Variants in EBF3 observed in about 807,000 individuals in gnomAD.
EBF3 encodes transcription factor COE3.
In EBF3, 18 loss-of-function variants were observed where a neutral mutation model predicts 77.1. The ratio of observed to expected loss-of-function variants is 0.23; its 90% CI spans 0.16 to 0.35. The LOEUF (loss-of-function observed/expected upper bound fraction) is 0.35. Among genes scored for constraint, EBF3 ranks in the 10% least tolerant of loss-of-function variants. The pLI, the probability that EBF3 is intolerant of heterozygous loss-of-function variation, is 1.00. For synonymous variants in EBF3, 350 were observed against 343.5 expected, an observed-to-expected ratio of 1.02 and a Z score of -0.21; for missense variants, 558 against 860.0, an observed-to-expected ratio of 0.65 and a Z score of 4.39.
chr10:129,922,369 A>G (rs964910782), intron 6 of EBF3, among the ~76,000 whole-genome samples: 1 of 152,186 alleles, frequency 6.6e-6, no homozygotes, highest in Admixed American at 6.5e-5. Flanking sequence ...GCCAGGCCAC[A>G]CAGGCCCCAG....
At chr10:129,936,627 G>A (rs767768454) in intron 6 of EBF3, among the ~76,000 whole-genome samples, 12 of 151,792 alleles carry the variant, frequency 7.9e-5, no homozygotes, top group Non-Finnish European at 1.8e-4. Context: ...GGTTATGGCA[G>A]GGGACCCTCA....
chr10:129,854,366 G>A (rs1851098802), intron 10 of EBF3, among the ~76,000 whole-genome samples: 1 of 152,140 alleles, frequency 6.6e-6, no homozygotes, highest in Admixed American at 6.5e-5. Context: ...GGAGTTTCAG[G>A]CGGCTGATGG....
At chr10:129,886,459 G>A (rs1219830349) in intron 6 of EBF3, among the ~76,000 whole-genome samples, 2 of 152,190 alleles carry the variant, frequency 1.3e-5, no homozygotes, top group African/African-American at 4.8e-5. Flanking sequence ...ACTCGGAACA[G>A]CACCGAGCCC....
At chr10:129,929,768 C>T (rs759450204) in intron 6 of EBF3, among the ~76,000 whole-genome samples, 3 of 152,198 alleles carry the variant, frequency 2.0e-5, no homozygotes, top group Non-Finnish European at 2.9e-5. Flanking sequence ...CTGCACCCAA[C>T]TCTGAGAGTT....
chr10:129,875,895 G>A (rs35383856), intron 7 of EBF3, among the ~76,000 whole-genome samples: 19,915 of 152,246 alleles, frequency 0.13, 1,638 homozygotes, highest in African/African-American at 0.21. Context: ...GCCCAGCCCT[G>A]GGCATTGAAG....
Position 129,890,510 on chromosome 10 carries a change from C to T in EBF3, c.555-12661G>A, listed in dbSNP as rs1027496694. Among the ~76,000 whole-genome samples, 8 of 152,356 alleles carry T rather than the reference C, an allele frequency of 5.3e-5. 1 individual carries two copies. The East Asian group carries it at 1.5e-3, about 29-fold the overall frequency. On this transcript the variant is annotated intron_variant, in intron 6 of 16. Coordinates refer to ENST00000440978, the MANE Select transcript of EBF3 (RefSeq NM_001375380.1). ...GCCTCCGCCAGCCTAATACTGGGCACGGCTTTAAGGCACCGTCAACCAATT... is the reference window on the plus strand; with the variant it reads ...GCCTCCGCCAGCCTAATACTGGGCATGGCTTTAAGGCACCGTCAACCAATT...
chr10:129,878,053 T>C (rs1852919756), intron 6 of EBF3, among the ~76,000 whole-genome samples: 1 of 152,114 alleles, frequency 6.6e-6, no homozygotes, highest in Non-Finnish European at 1.5e-5. Context: ...AGCAGTGAGT[T>C]GCATTTGCCT....
intron 7 of EBF3, 128 bp downstream of exon 7, chr10:129,877,640 C>A: frequency 1.4e-6 from 1 of 698,478 alleles, no homozygotes; most frequent in Admixed American, 2.8e-5. Context: ...ATCAAATGCA[C>A]CAATTCCAGT....
intron 10 of EBF3, among the ~76,000 whole-genome samples, chr10:129,862,791 A>T (rs932756977): frequency 4.6e-5 from 7 of 152,182 alleles, no homozygotes; most frequent in African/African-American, 1.7e-4. Flanking sequence ...ATCAAATAAC[A>T]CTGTAATGCT....
intron 10 of EBF3, among the ~76,000 whole-genome samples, chr10:129,852,525 G>C (rs1850960734): frequency 6.6e-6 from 1 of 152,172 alleles, no homozygotes; most frequent in Non-Finnish European, 1.5e-5. Flanking sequence ...CGTGGTTGTA[G>C]TTTTCATTTT....
In EBF3 at chr10:129,841,093, G is replaced by A; in HGVS notation, c.1373-61C>T. ...ATTATCAGCGACAGACACTTGGGGG[G>A]GGTTCCCCGAGAATCTATATCATAT... On this transcript the variant is annotated intron_variant, in intron 13 of 16. Transcript: ENST00000440978. This position sits in a 1 kb window ranked among gnomAD's most constrained non-coding sequence, Gnocchi z 4.6. The A allele has an allele frequency of 1.9e-6, 3 of 1,584,636 alleles. No homozygotes were observed. Among genetic ancestry groups the A allele is most frequent in the South Asian group, 1.2e-5 (1 of 86,454 alleles).
intron 7 of EBF3, among the ~76,000 whole-genome samples, chr10:129,873,887 T>C (rs1852577298): frequency 6.6e-6 from 1 of 152,242 alleles, no homozygotes; most frequent in African/African-American, 2.4e-5. Flanking sequence ...AATATTCTTC[T>C]AGCCATTAGC....
intron 6 of EBF3, among the ~76,000 whole-genome samples, chr10:129,912,885 T>C (rs998479284): frequency 3.3e-5 from 5 of 152,228 alleles, no homozygotes; most frequent in African/African-American, 1.2e-4. Flanking sequence ...GTATGCAGCG[T>C]TTCATTACAA....
chr10:129,911,963 G>GC (rs1403408187), intron 6 of EBF3, among the ~76,000 whole-genome samples: 7 of 152,176 alleles, frequency 4.6e-5, no homozygotes, highest in African/African-American at 1.7e-4. Flanking sequence ...GCACGGCCCA[G>GC]CAAGAACACG....
chr10:129,913,756 G>A (rs1462012681), intron 6 of EBF3, among the ~76,000 whole-genome samples: 4 of 152,246 alleles, frequency 2.6e-5, no homozygotes, highest in Non-Finnish European at 4.4e-5. Flanking sequence ...GGGAGGGGGT[G>A]GCACCCACCC....
intron 7 of EBF3, among the ~76,000 whole-genome samples, 175 bp downstream of exon 7, chr10:129,877,593 C>G (rs183344735): frequency 2.0e-4 from 31 of 151,822 alleles, no homozygotes; most frequent in African/African-American, 7.5e-4. Context: ...ACTGAATATA[C>G]CAGATCATTC....
At position 129,963,230 on chromosome 10, in the gene EBF3, G is replaced by A; in HGVS notation, c.291+137C>T. On this transcript the variant is annotated intron_variant, in intron 2 of 16. Transcript: ENST00000440978. This position sits in a 1 kb window ranked among gnomAD's most constrained non-coding sequence, Gnocchi z 7.1. ...GCCCAGCCCTCGGCGGTCCCGGGCG[G>A]CCGCACGTGGCGGCGGCGGGGTGGC... 6 of 1,304,308 alleles carry A rather than the reference G, an allele frequency of 4.6e-6. No individual in the cohort carries two copies. Among genetic ancestry groups the A allele is most frequent in the African/African-American group, 1.6e-5 (1 of 64,090 alleles). The allele number at this position is 1,304,308 out of a possible 1,614,324, so 80.8% of individuals were successfully genotyped here. A position where few individuals can be genotyped will look rare whatever the true frequency, so the allele number is the denominator to read the frequency against.
chr10:129,857,068 G>A (rs1401126394), intron 10 of EBF3, among the ~76,000 whole-genome samples: 1 of 152,152 alleles, frequency 6.6e-6, no homozygotes, highest in African/African-American at 2.4e-5. Context: ...TCCCATTCAG[G>A]GAGCATAACT....
chr10:129,907,475 C>T (rs141182037), intron 6 of EBF3, among the ~76,000 whole-genome samples: 2 of 152,230 alleles, frequency 1.3e-5, no homozygotes, highest in Non-Finnish European at 2.9e-5. Flanking sequence ...AAATCTATTT[C>T]TCTCACTCTG....
Sources: allele counts gnomAD v4.1 joint callset (sites outside exome capture counted in the v4.1 genomes callset), GRCh38; gene constraint gnomAD v4.1.1; non-coding constraint Gnocchi (gnomAD v3.1); transcripts MANE v1.5; gene names NCBI Gene and HGNC (gene_info 2026-07-23, HGNC 2026-07-21).